The following TFR2 variants were observed in gnomAD, a reference collection of about 807,000 sequenced individuals.
The protein encoded by TFR2 is transferrin receptor protein 2.
In TFR2, 64 loss-of-function variants were observed where a neutral mutation model predicts 91.9. The ratio of observed to expected loss-of-function variants is 0.70; its 90% CI spans 0.57 to 0.86. The LOEUF (loss-of-function observed/expected upper bound fraction) is 0.86, where lower values mean the gene tolerates loss of function less well. TFR2 is among the 40% of genes least tolerant of loss of function. The pLI, the probability that TFR2 is intolerant of heterozygous loss-of-function variation, is 0.00. For missense variants in TFR2, 950 were observed against 1,080.5 expected, an observed-to-expected ratio of 0.88 and a Z score of 1.69; for synonymous variants, 454 against 459.6, an observed-to-expected ratio of 0.99 and a Z score of 0.15.
chr7:100,635,246 CT>C (rs1366720132), intron 3 of TFR2, among the ~76,000 whole-genome samples: 2 of 150,504 alleles, frequency 1.3e-5, no homozygotes, highest in East Asian at 4.0e-4. Context: ...GGCCCCTTTT[CT>C]TTTCTTTTTT....
At position 100,620,580 on chromosome 7, in the gene TFR2, A is replaced by C. The variant is rs986716839; in HGVS notation, c.*277T>G. 24 of 416,364 alleles carry C rather than the reference A, an allele frequency of 5.8e-5. No homozygotes were observed. The highest frequency in any genetic ancestry group is 1.0e-4 in the Non-Finnish European group (23 of 225,536). 25.8% of individuals were successfully genotyped at this position (416,364 alleles called of 1,614,324 possible). On this transcript the variant is annotated 3_prime_UTR_variant, in exon 18 of 18. Transcript: ENST00000223051. ...CTCCCAGAGTGGTCTCTAGGTATGG[A>C]GGACCCCAGAAAGGGGAAGGGGCTG...
At chr7:100,633,785 T>G in intron 3 of TFR2, 1 of 623,444 alleles carries the variant, frequency 1.6e-6, no homozygotes, top group South Asian at 3.1e-5. Context: ...CTCGGCTCTC[T>G]GCAACTTCCG....
chr7:100,633,770 C>T, intron 3 of TFR2: 2 of 707,912 alleles, frequency 2.8e-6, no homozygotes, highest in Non-Finnish European at 2.0e-6. Context: ...GTGCAGTGGA[C>T]CAATCTCGGC....
intron 17 of TFR2, among the ~76,000 whole-genome samples, chr7:100,624,215 C>T (rs1469304738): frequency 1.3e-5 from 2 of 152,146 alleles, no homozygotes; most frequent in Admixed American, 1.3e-4. Context: ...GATAACACCA[C>T]ATTTGGTGGT....
Position 100,633,481 on chromosome 7 carries a change from G to C in TFR2, c.549C>G (p.Leu183=), listed in dbSNP as rs1803509971. The C allele has an allele frequency of 6.2e-7, 1 of 1,612,430 alleles. No individual in the cohort carries two copies. Among genetic ancestry groups the C allele is most frequent in the Non-Finnish European group, 8.5e-7 (1 of 1,179,920 alleles). Residue 183 remains leucine (L), a synonymous_variant, in exon 4 of 18, where the codon CTC becomes CTG. Transcript: ENST00000223051. ...ACACGTGGTCCAGCTTCTGGCGGGA[G>C]AGCGCCGCGCGAATGTCCTGAGTCA... ...AALTQDIRAA[L]SRQKLDHVWT... is the part of the protein sequence containing the mutation.
intron 9 of TFR2, among the ~76,000 whole-genome samples, chr7:100,630,578 C>T (rs188098466): frequency 2.0e-5 from 3 of 152,362 alleles, no homozygotes; most frequent in Admixed American, 6.5e-5. Flanking sequence ...GCGTGAGCCA[C>T]CACACCCGGC....
At chr7:100,641,548 GCGATAAAC>G (rs1278464461) in exon 1 of TFR2, 18 of 1,611,832 alleles carry the variant, frequency 1.1e-5, no homozygotes, top group Non-Finnish European at 1.5e-5. Context: ...CTGTCCCCCA[GCGATAAAC>G]CGATAAACCG....
intron 17 of TFR2, among the ~76,000 whole-genome samples, chr7:100,621,655 C>T (rs895713050): frequency 2.2e-4 from 33 of 152,274 alleles, no homozygotes; most frequent in African/African-American, 6.0e-4. Flanking sequence ...AACAATCTAT[C>T]GCCCTGCTGT....
At chr7:100,622,227 C>G (rs996432455) in intron 17 of TFR2, among the ~76,000 whole-genome samples, 3 of 152,166 alleles carry the variant, frequency 2.0e-5, no homozygotes, top group Admixed American at 2.0e-4. Context: ...AGGCCTCCAT[C>G]ATTCACTCAC....
chr7:100,632,412 C>T (rs1370569860), intron 6 of TFR2, among the ~76,000 whole-genome samples: 2 of 152,106 alleles, frequency 1.3e-5, no homozygotes, highest in African/African-American at 4.8e-5. Context: ...TTTCTGTTCC[C>T]TTCCCCATCT....
intron 3 of TFR2, 194 bp downstream of exon 3, chr7:100,640,492 G>T: frequency 1.6e-6 from 1 of 643,198 alleles, no homozygotes; most frequent in Non-Finnish European, 2.7e-6. Context: ...CAGAGCCTCA[G>T]TCCCCTGGAA....
intron 7 of TFR2, 57 bp downstream of exon 7, chr7:100,632,025 G>A: frequency 6.2e-7 from 1 of 1,614,022 alleles, no homozygotes; most frequent in South Asian, 1.1e-5. Context: ...CCTATTCTGA[G>A]CAAGAAGGTG....
chr7:100,627,713 C>T, intron 14 of TFR2, 31 bp downstream of exon 14: 1 of 1,614,026 alleles, frequency 6.2e-7, no homozygotes, highest in South Asian at 1.1e-5. Flanking sequence ...CCCCACATCC[C>T]TCCCCAGCTC....
chr7:100,627,552 C>T, intron 15 of TFR2, 25 bp downstream of exon 15: 3 of 1,614,026 alleles, frequency 1.9e-6, no homozygotes, highest in East Asian at 2.2e-5. Context: ...AGCGCTGTGT[C>T]TGGGGCAGGG....
At position 100,631,826 on chromosome 7, in the gene TFR2, G is replaced by A; in HGVS notation, c.1086C>T (p.Asp362=). 6.2e-7 allele frequency: 1 copy of A among 1,613,498 alleles called. No individual in the cohort carries two copies. The highest frequency in any genetic ancestry group is 8.5e-7 in the Non-Finnish European group (1 of 1,179,778). ...PSIPAQPISA[D]IASRLLRKLK... ...CTCACCTCAGCAGGCGGGAGGCAATGTCTGCACTGATGGGCTGGGCTGGGA... is the reference window on the plus strand; with the variant it reads ...CTCACCTCAGCAGGCGGGAGGCAATATCTGCACTGATGGGCTGGGCTGGGA... Residue 362 remains aspartate, a synonymous_variant, in exon 8 of 18, where the codon GAC becomes GAT. Coordinates refer to ENST00000223051, the MANE Select transcript of TFR2 (RefSeq NM_003227.4).
intron 9 of TFR2, among the ~76,000 whole-genome samples, chr7:100,630,549 C>A (rs575718733): frequency 2.0e-5 from 3 of 152,352 alleles, no homozygotes; most frequent in Non-Finnish European, 2.9e-5. Context: ...CTGGGCCTCC[C>A]AAAGTGCTGG....
chr7:100,641,420 G>A (rs1803698317), intron 1 of TFR2, 57 bp downstream of exon 1: 1 of 1,607,064 alleles, frequency 6.2e-7, no homozygotes, highest in Non-Finnish European at 8.5e-7. Flanking sequence ...GCTTGGGAGG[G>A]GGCTGAGGGA....
At chr7:100,626,526 C>A (rs1389211629) in intron 17 of TFR2, 3 of 1,373,068 alleles carry the variant, frequency 2.2e-6, no homozygotes, top group Non-Finnish European at 2.8e-6. Flanking sequence ...GTAAACCAGG[C>A]GACTGTGGCC....
chr7:100,620,969 G>A lies in TFR2; in HGVS notation c.2294C>T (p.Thr765Ile). Residue 765 changes from threonine (T) to isoleucine (I), a missense_variant, in exon 18 of 18, where the codon ACT (threonine) becomes ATT (isoleucine). Transcript: ENST00000223051. The stretch of plus-strand genomic sequence containing the variant: ...CCGGAAACGGCTCTCCTGGAAGCCA[G>A]TGGAGGAGGTGGCCCCGGGGGTCCC... The part of the protein sequence containing the change: ...SSGTPGATSS[T>I]GFQESRFRRQ... The A allele has an allele frequency of 1.2e-6, 2 of 1,612,996 alleles. No homozygotes were observed. The highest frequency in any genetic ancestry group is 8.5e-7 in the Non-Finnish European group (1 of 1,179,608).
Sources: allele counts gnomAD v4.1 joint callset (sites outside exome capture counted in the v4.1 genomes callset), GRCh38; gene constraint gnomAD v4.1.1; transcripts MANE v1.5; gene names NCBI Gene and HGNC (gene_info 2026-07-23, HGNC 2026-07-21).